The following FAM184B variants were observed in gnomAD, a reference collection of about 807,000 sequenced individuals.
FAM184B encodes the protein family with sequence similarity 184 member B.
Under a neutral mutation model 135.9 loss-of-function variants are expected in FAM184B, and 111 were observed. The observed-to-expected ratio is 0.82, with a 90% CI of 0.70 to 0.96. FAM184B has a LOEUF of 0.96. Among genes scored for constraint, FAM184B ranks in the 40% least tolerant of loss-of-function variants. The pLI is 0.00. For missense variants in FAM184B, 1,375 were observed against 1,323.9 expected (o/e 1.04, Z -0.60); for synonymous variants, 552 against 524.8 (o/e 1.05, Z -0.71).
intron 15 of FAM184B, among the ~76,000 whole-genome samples, chr4:17,636,206 A>G (rs760193405): frequency 2.0e-5 from 3 of 152,156 alleles, no homozygotes; most frequent in Non-Finnish European, 4.4e-5. Flanking sequence ...CTCGGGTTCA[A>G]GTGATTCTCC....
In FAM184B at chr4:17,706,584, AAGAGC is replaced by A. The variant is rs552199864; in HGVS notation, c.1031-698_1031-694del. Among the ~76,000 whole-genome samples, 15 of 152,300 alleles carry A rather than the reference AAGAGC, an allele frequency of 9.8e-5. No individual in the cohort carries two copies. In the East Asian group the frequency reaches 2.7e-3, roughly 28 times the overall value. On this transcript the variant is annotated intron_variant, in intron 3 of 17. Coordinates refer to ENST00000265018, the MANE Select transcript of FAM184B (RefSeq NM_015688.2). ...GAATCATGTATTTTTGGATACAAGC[AAGAGC>A]TCTGTCACCAACCAGTTGGCTGACC... is the stretch of plus-strand genomic sequence containing the variant.
In FAM184B at chr4:17,630,904, GTTATTCAAAGTT is replaced by G. The variant is rs1256168362; in HGVS notation, c.*1616_*1627del. 2.6e-5 allele frequency: 4 copies of G among 152,058 alleles called. No individual in the cohort carries two copies. The highest frequency in any genetic ancestry group is 2.1e-4 in the South Asian group (1 of 4,830). The allele number at this position is 152,058 out of a possible 1,614,324, so 9.4% of individuals were successfully genotyped here. On this transcript the variant is annotated 3_prime_UTR_variant, in exon 18 of 18. Transcript: ENST00000265018. Reference sequence around the variant, plus strand: ...ACAAGTCAACCATTTTTATTGCCCAGTTATTCAAAGTTTTATTCAAAGAGCAAAGATTTGACA... The same window carrying G: ...ACAAGTCAACCATTTTTATTGCCCAGTTATTCAAAGAGCAAAGATTTGACA...
rs1199966027 is a variant in FAM184B, at chr4:17,781,002, G to C, written c.141+157C>G. On this transcript the variant is annotated intron_variant, in intron 1 of 17. Transcript: ENST00000265018. The surrounding 1 kb of genome is among the most constrained non-coding windows in gnomAD (Gnocchi z 6.5). ...TAGGATGGTGCCTCTAGAAGGTCAAGTCACCCAGATTTAGGACCGCTTCCC... is the reference window on the plus strand; with the variant it reads ...TAGGATGGTGCCTCTAGAAGGTCAACTCACCCAGATTTAGGACCGCTTCCC... 6.6e-6 allele frequency among the ~76,000 whole-genome samples: 1 copy of C among 152,134 alleles called. No homozygotes were observed. Among genetic ancestry groups the C allele is most frequent in the African/African-American group, 2.4e-5 (1 of 41,452 alleles).
rs544098222 is a variant in FAM184B at position 17,725,554 on chromosome 4, G to A, written c.142-15910C>T. Among the ~76,000 whole-genome samples the A allele has an allele frequency of 1.1e-4, 16 of 152,200 alleles. No homozygotes were observed. In the South Asian group the frequency reaches 1.2e-3, roughly 12 times the overall value. Reference sequence around the variant, plus strand: ...ATCTGGTAGCTGTCTTTAGGGTCACGCACACTCCTATTAGCACATTTGAAG... The same window carrying A: ...ATCTGGTAGCTGTCTTTAGGGTCACACACACTCCTATTAGCACATTTGAAG... On this transcript the variant is annotated intron_variant, in intron 1 of 17. Coordinates refer to ENST00000265018, the MANE Select transcript of FAM184B (RefSeq NM_015688.2).
chr4:17,677,358 C>G (rs140068625), intron 7 of FAM184B, among the ~76,000 whole-genome samples: 2 of 152,242 alleles, frequency 1.3e-5, no homozygotes, highest in Non-Finnish European at 2.9e-5. Flanking sequence ...TGAATGAGCT[C>G]TTTCAAGCCC....
In FAM184B at chr4:17,660,018, T is replaced by C. The variant is rs1402538879; in HGVS notation, c.1764A>G (p.Thr588=). 2 of 1,551,486 alleles carry C rather than the reference T, an allele frequency of 1.3e-6. No individual in the cohort carries two copies. Among genetic ancestry groups the C allele is most frequent in the East Asian group, 2.4e-5 (1 of 40,926 alleles). ...CCTCCTCTAGACGCTGGATTTTGGA[T>C]GTTTTCTCCTTCAACAAAGAGCCCA... ...PPLGSLLKEK[T]SKIQRLEEDW... The change falls in exon 9 of 18, where the codon ACA becomes ACG. Residue 588 remains threonine (T), a synonymous_variant. Coordinates refer to ENST00000265018, the MANE Select transcript of FAM184B (RefSeq NM_015688.2).
chr4:17,635,278 C>CCTTTG (rs1217954053), intron 15 of FAM184B, among the ~76,000 whole-genome samples, 165 bp from the exon 16 acceptor site: 1 of 152,120 alleles, frequency 6.6e-6, no homozygotes, highest in Admixed American at 6.5e-5. Flanking sequence ...TGAGGAAGCA[C>CCTTTG]CTTTGCTTTT....
intron 1 of FAM184B, among the ~76,000 whole-genome samples, chr4:17,776,954 G>A (rs1718939800): frequency 1.3e-5 from 2 of 152,074 alleles, no homozygotes; most frequent in South Asian, 2.1e-4. Context: ...CAGTCACTTC[G>A]CAAAACAATT....
At chr4:17,746,406 C>T (rs911967453) in intron 1 of FAM184B, among the ~76,000 whole-genome samples, 1 of 152,078 alleles carries the variant, frequency 6.6e-6, no homozygotes, top group Admixed American at 6.5e-5. Flanking sequence ...CTTCAGCATA[C>T]AGAAGAGTCC....
intron 5 of FAM184B, among the ~76,000 whole-genome samples, chr4:17,703,270 G>C (rs1422369713): frequency 2.0e-5 from 3 of 152,074 alleles, no homozygotes; most frequent in Admixed American, 6.5e-5. Context: ...GCTAAGGTGG[G>C]AGGATCCCTT....
At chr4:17,643,054 C>T (rs1184715644) in intron 12 of FAM184B, among the ~76,000 whole-genome samples, 1 of 152,210 alleles carries the variant, frequency 6.6e-6, no homozygotes, top group Non-Finnish European at 1.5e-5. Flanking sequence ...ATGTGGGATG[C>T]CCGTGGGCAC....
intron 12 of FAM184B, 141 bp downstream of exon 12, chr4:17,647,495 TG>T: frequency 9.6e-7 from 1 of 1,042,384 alleles, no homozygotes; most frequent in Non-Finnish European, 1.3e-6. Flanking sequence ...AGTGGTTCTC[TG>T]GCTTTGGCCT....
intron 11 of FAM184B, among the ~76,000 whole-genome samples, chr4:17,651,856 G>C (rs1577247418): frequency 6.6e-6 from 1 of 152,140 alleles, no homozygotes; most frequent in Non-Finnish European, 1.5e-5. Context: ...GATGCTGTGT[G>C]TGAGTGGTTT....
intron 1 of FAM184B, among the ~76,000 whole-genome samples, chr4:17,754,538 T>A (rs1718377353): frequency 1.7e-5 from 2 of 120,186 alleles, no homozygotes; most frequent in Admixed American, 9.7e-5. Context: ...GCAACAAGAG[T>A]GAAACTCTGT....
chr4:17,774,696 C>T (rs1385800922), intron 1 of FAM184B, among the ~76,000 whole-genome samples: 2 of 152,312 alleles, frequency 1.3e-5, no homozygotes, highest in South Asian at 2.1e-4. Flanking sequence ...CTCTCTTCTC[C>T]TTATAAGATG....
At chr4:17,706,346 C>T (rs1013350720) in intron 3 of FAM184B, among the ~76,000 whole-genome samples, 2 of 152,164 alleles carry the variant, frequency 1.3e-5, no homozygotes, top group Non-Finnish European at 2.9e-5. Flanking sequence ...GAACCAGTAC[C>T]TCCCCTTCTC....
At chr4:17,647,837 G>T (rs1333546547) in intron 11 of FAM184B, 46 bp from the exon 12 acceptor site, 2 of 1,522,076 alleles carry the variant, frequency 1.3e-6, no homozygotes, top group Non-Finnish European at 1.8e-6. Flanking sequence ...GGTCTAGGCT[G>T]AAGCCTGTGT....
chr4:17,705,098 G>C lies in FAM184B; in HGVS notation c.1279C>G (p.Gln427Glu). 1 of 1,551,658 alleles carries C rather than the reference G, an allele frequency of 6.4e-7. No homozygotes were observed. Among genetic ancestry groups the C allele is most frequent in the Non-Finnish European group, 8.7e-7 (1 of 1,146,986 alleles). The stretch of plus-strand genomic sequence containing the variant: ...AAGTCTTCTAGTCGCTTCACTAGCT[G>C]GTCTTTGAGATGTTTCTTCTCCTCT... ...TEEEKKHLKDQLVKRLEDLVK... is the reference protein window; with the variant it reads ...TEEEKKHLKDELVKRLEDLVK... Residue 427 changes from glutamine (Q) to glutamate (E), a missense_variant, in exon 5 of 18, where the codon CAG becomes GAG. By Grantham distance (29) the Gln-to-Glu change is conservative. Transcript: ENST00000265018.
At chr4:17,719,724 G>C (rs574628340) in intron 1 of FAM184B, among the ~76,000 whole-genome samples, 2 of 152,006 alleles carry the variant, frequency 1.3e-5, no homozygotes, top group South Asian at 4.2e-4. Context: ...CCCCTTTATA[G>C]CAAACTCCTC....
Sources: allele counts gnomAD v4.1 joint callset (sites outside exome capture counted in the v4.1 genomes callset), GRCh38; gene constraint gnomAD v4.1.1; non-coding constraint Gnocchi (gnomAD v3.1); transcripts MANE v1.5; gene names NCBI Gene and HGNC (gene_info 2026-07-23, HGNC 2026-07-21).